The following KLHL7 variants were observed in gnomAD, a reference collection of about 807,000 sequenced individuals.
The protein encoded by KLHL7 is kelch like family member 7.
Under a neutral mutation model 67.4 loss-of-function variants are expected in KLHL7, and 44 were observed. The ratio of observed to expected loss-of-function variants is 0.65; its 90% CI spans 0.51 to 0.84. KLHL7 has a LOEUF of 0.84. KLHL7 is among the 40% of genes least tolerant of loss of function. The probability of loss-of-function intolerance (pLI) is 0.00; values close to 1 mark genes in which losing one functional copy is unlikely to be tolerated. For synonymous variants in KLHL7, 252 were observed against 243.3 expected (o/e 1.04, Z -0.33); for missense variants, 362 against 718.1 (o/e 0.50, Z 5.67).
intron 1 of KLHL7, chr7:23,106,430 G>A: frequency 7.8e-7 from 1 of 1,275,024 alleles, no homozygotes; most frequent in East Asian, 4.0e-5. Flanking sequence ...TTGTGTAACA[G>A]CTCTGCCCTA....
rs1487833994 is a variant in KLHL7 at position 23,175,050 on chromosome 7, A to G, written c.*752A>G. On this transcript the variant is annotated 3_prime_UTR_variant, in exon 11 of 11. Coordinates refer to ENST00000339077, the MANE Select transcript of KLHL7 (RefSeq NM_001031710.3). The stretch of plus-strand genomic sequence containing the variant: ...AGTCCTCACTGTTAAATAAAACCCA[A>G]TCATAGTAAGTGATTAACTAGCAAA... The G allele has an allele frequency of 4.4e-6, 2 of 453,474 alleles. No individual in the cohort carries two copies. The highest frequency in any genetic ancestry group is 4.0e-5 in the African/African-American group (2 of 49,972). The allele number at this position is 453,474 out of a possible 1,614,324, so 28.1% of individuals were successfully genotyped here. A position where few individuals can be genotyped will look rare whatever the true frequency, so the allele number is the denominator to read the frequency against.
chr7:23,127,260 G>A (rs1783609072), intron 4 of KLHL7, among the ~76,000 whole-genome samples: 1 of 152,190 alleles, frequency 6.6e-6, no homozygotes, highest in South Asian at 2.1e-4. Context: ...CCTGGAGTGA[G>A]TCTGTGCTAA....
In KLHL7 at chr7:23,128,099, C is replaced by A. The variant is rs149438673; in HGVS notation, c.442+2927C>A. ...AGTGAGCCGAGATTGCGCCACTGCA[C>A]TCTAGGCTGGACTACAGAGTGAGAC... On this transcript the variant is annotated intron_variant, in intron 4 of 10. Coordinates refer to ENST00000339077, the MANE Select transcript of KLHL7 (RefSeq NM_001031710.3). 5.9e-4 allele frequency among the ~76,000 whole-genome samples: 89 copies of A among 150,196 alleles called. 1 individual carries two copies. In the East Asian group the frequency reaches 9.0e-3, roughly 15 times the overall value.
At chr7:23,145,880 A>G (rs6978478) in intron 6 of KLHL7, among the ~76,000 whole-genome samples, 66,452 of 151,736 alleles carry the variant, frequency 0.44, 16,427 homozygotes, top group African/African-American at 0.68. Flanking sequence ...ACAGGCACAC[A>G]CCACTATGCC....
intron 5 of KLHL7, 73 bp downstream of exon 5, chr7:23,141,017 C>A: frequency 4.1e-6 from 5 of 1,220,872 alleles, no homozygotes; most frequent in Non-Finnish European, 6.0e-6. Context: ...CATGTTTGGA[C>A]ACATGACAAG....
chr7:23,145,226 TTTC>T (rs1396960454), intron 6 of KLHL7, among the ~76,000 whole-genome samples: 1 of 115,666 alleles, frequency 8.6e-6, no homozygotes, highest in Non-Finnish European at 1.7e-5. Flanking sequence ...GATCCTTTTC[TTTC>T]TTTTTTTTTT....
chr7:23,134,695 C>G (rs2128462894), intron 4 of KLHL7, among the ~76,000 whole-genome samples: 1 of 152,186 alleles, frequency 6.6e-6, no homozygotes, highest in African/African-American at 2.4e-5. Context: ...TTGTATGTAT[C>G]TAGAAATTTG....
Position 23,145,929 on chromosome 7 carries a change from G to A in KLHL7, c.793+1904G>A, listed in dbSNP as rs147904668. ...TATTTTTTTGTCAAGATGATGTCTC[G>A]CTATCTTGTTCAGGCTGGTCTCAAA... On this transcript the variant is annotated intron_variant, in intron 6 of 10. Coordinates refer to ENST00000339077, the MANE Select transcript of KLHL7 (RefSeq NM_001031710.3). Among the ~76,000 whole-genome samples the A allele has an allele frequency of 2.8e-4, 42 of 152,122 alleles. 1 individual carries two copies. In the East Asian group the frequency reaches 7.0e-3, roughly 25 times the overall value.
At chr7:23,150,025 G>T (rs1411693233) in intron 6 of KLHL7, among the ~76,000 whole-genome samples, 3 of 152,140 alleles carry the variant, frequency 2.0e-5, no homozygotes, top group Non-Finnish European at 4.4e-5. Flanking sequence ...CAGGCATGCT[G>T]TTTCAGGCCT....
chr7:23,142,493 G>T (rs1299406440), intron 5 of KLHL7, among the ~76,000 whole-genome samples: 2 of 151,998 alleles, frequency 1.3e-5, no homozygotes, highest in African/African-American at 4.8e-5. Flanking sequence ...ATCAAAATTG[G>T]TTGACTTAAA....
At chr7:23,133,723 C>T (rs933948425) in intron 4 of KLHL7, among the ~76,000 whole-genome samples, 1 of 152,208 alleles carries the variant, frequency 6.6e-6, no homozygotes, top group Non-Finnish European at 1.5e-5. Flanking sequence ...CATGAACCAC[C>T]ATGCCCAGCC....
At chr7:23,124,190 CAAAAAAAA>C (rs149801497) in intron 2 of KLHL7, among the ~76,000 whole-genome samples, 6 of 25,864 alleles carry the variant, frequency 2.3e-4, no homozygotes, top group South Asian at 3.2e-3. Context: ...GACTCTGTCT[CAAAAAAAA>C]AAAAAAAAAA....
At chr7:23,138,429 T>C (rs1583681801) in intron 4 of KLHL7, among the ~76,000 whole-genome samples, 3 of 101,666 alleles carry the variant, frequency 3.0e-5, no homozygotes, top group African/African-American at 4.0e-5. Flanking sequence ...GCCACTGCAC[T>C]CCAGCCTGGG....
Position 23,124,725 on chromosome 7 carries a change from C to A in KLHL7, c.261C>A (p.Leu87=). 1.9e-6 allele frequency: 3 copies of A among 1,612,424 alleles called. No individual in the cohort carries two copies. The highest frequency in any genetic ancestry group is 2.5e-6 in the Non-Finnish European group (3 of 1,178,490). The change falls in exon 3 of 11, where the codon CTC becomes CTA. Residue 87 remains leucine, a synonymous_variant. Transcript: ENST00000339077. ...AATCAAAGTCCTTTGAAGTAGAACT[C>A]AAAGATGCTGAACCTGATATTATTG... The part of the protein sequence containing the change: ...MLESKSFEVE[L]KDAEPDIIEQ...
At chr7:23,155,618 C>G (rs1454704755) in intron 7 of KLHL7, among the ~76,000 whole-genome samples, 3 of 150,912 alleles carry the variant, frequency 2.0e-5, no homozygotes, top group African/African-American at 4.9e-5. Flanking sequence ...GAGCTGAGAT[C>G]ACACCACTGC....
At chr7:23,108,911 A>G (rs933877536) in intron 1 of KLHL7, among the ~76,000 whole-genome samples, 1 of 152,230 alleles carries the variant, frequency 6.6e-6, no homozygotes, top group African/African-American at 2.4e-5. Flanking sequence ...AATATAGCAC[A>G]ATTTATCCAT....
chr7:23,152,164 A>G lies in KLHL7; in HGVS notation c.891A>G (p.Leu297=), dbSNP rs772797451. 2 of 1,613,970 alleles carry G rather than the reference A, an allele frequency of 1.2e-6. No homozygotes were observed. The highest frequency in any genetic ancestry group is 1.1e-5 in the South Asian group (1 of 91,074). Reference sequence around the variant, plus strand: ...AGAAACATGACTACCGCATAGCCCTATTTGGAGGCTCTCAACCACAGTCTT... The same window carrying G: ...AGAAACATGACTACCGCATAGCCCTGTTTGGAGGCTCTCAACCACAGTCTT... ...RRKKHDYRIA[L]FGGSQPQSCR... The change falls in exon 7 of 11, where the codon CTA becomes CTG. Residue 297 remains leucine, a synonymous_variant. Coordinates refer to ENST00000339077, the MANE Select transcript of KLHL7 (RefSeq NM_001031710.3).
chr7:23,133,752 A>G (rs1252875397), intron 4 of KLHL7, among the ~76,000 whole-genome samples: 2 of 151,968 alleles, frequency 1.3e-5, no homozygotes, highest in African/African-American at 4.8e-5. Flanking sequence ...TCTTTTTCAC[A>G]TTGTTCACTG....
At chr7:23,137,850 A>G (rs1284978767) in intron 4 of KLHL7, among the ~76,000 whole-genome samples, 1 of 127,998 alleles carries the variant, frequency 7.8e-6, no homozygotes, top group Non-Finnish European at 1.6e-5. Flanking sequence ...TACAGGCATA[A>G]ACCACTGTGC....
Sources: allele counts gnomAD v4.1 joint callset (sites outside exome capture counted in the v4.1 genomes callset), GRCh38; gene constraint gnomAD v4.1.1; transcripts MANE v1.5; gene names NCBI Gene and HGNC (gene_info 2026-07-23, HGNC 2026-07-21).